Variants in ARID1A observed in about 807,000 individuals in gnomAD.
ARID1A encodes AT-rich interactive domain-containing protein 1A.
Under a neutral mutation model 212.6 loss-of-function variants are expected in ARID1A, and 20 were observed. The ratio of observed to expected loss-of-function variants is 0.09; its 90% CI spans 0.07 to 0.14. The LOEUF is 0.14. Among genes scored for constraint, ARID1A ranks in the 10% least tolerant of loss-of-function variants. The probability of loss-of-function intolerance (pLI) is 1.00; values close to 1 mark genes in which losing one functional copy is unlikely to be tolerated. For missense variants in ARID1A, 2,587 were observed against 3,059.0 expected (o/e 0.85, Z 3.64); for synonymous variants, 1,376 against 1,222.1 (o/e 1.13, Z -2.63).
chr1:26,765,858 C>CGCT, intron 8 of ARID1A: 1 of 165,592 alleles, frequency 6.0e-6, no homozygotes, highest in Admixed American at 6.0e-5. Context: ...GAGTGAAACT[C>CGCT]TGTCTCAAAA....
chr1:26,746,016 A>C (rs1244175062), intron 4 of ARID1A, among the ~76,000 whole-genome samples: 3 of 152,150 alleles, frequency 2.0e-5, no homozygotes, highest in Non-Finnish European at 4.4e-5. Context: ...GTGCCACTGC[A>C]CTCCAGTCTG....
intron 1 of ARID1A, among the ~76,000 whole-genome samples, chr1:26,701,990 T>C (rs1570546111): frequency 6.6e-6 from 1 of 152,126 alleles, no homozygotes; most frequent in Non-Finnish European, 1.5e-5. Flanking sequence ...CTTTTGCACT[T>C]GGGGTTGGGG....
At chr1:26,739,332 C>T (rs977124278) in intron 4 of ARID1A, among the ~76,000 whole-genome samples, 3 of 152,162 alleles carry the variant, frequency 2.0e-5, no homozygotes, top group Admixed American at 1.3e-4. Context: ...CAAACTTTAG[C>T]GTGTGTTAAG....
chr1:26,755,300 G>A (rs1212112970), intron 4 of ARID1A, among the ~76,000 whole-genome samples: 1 of 152,200 alleles, frequency 6.6e-6, no homozygotes, highest in Non-Finnish European at 1.5e-5. Context: ...CCAACTATCT[G>A]ATGCTGACCA....
At chr1:26,719,133 T>C (rs1037806233) in intron 1 of ARID1A, among the ~76,000 whole-genome samples, 1 of 152,214 alleles carries the variant, frequency 6.6e-6, no homozygotes. Context: ...CATTCCCCTT[T>C]CCTTTCCTGC....
chr1:26,698,711 A>T (rs1362979851), intron 1 of ARID1A, among the ~76,000 whole-genome samples: 1 of 152,158 alleles, frequency 6.6e-6, no homozygotes, highest in Non-Finnish European at 1.5e-5. Flanking sequence ...GACTTCTTTG[A>T]TGGCTCTGAA....
chr1:26,768,347 C>G (rs1026060561), intron 11 of ARID1A, among the ~76,000 whole-genome samples: 5 of 152,240 alleles, frequency 3.3e-5, no homozygotes, highest in African/African-American at 4.8e-5. Context: ...TGAATCCCTT[C>G]TTGGCCACTT....
At position 26,732,703 on chromosome 1, in the gene ARID1A, C is replaced by G. The variant is rs2124792333; in HGVS notation, c.1831C>G (p.Gln611Glu). 6.2e-7 allele frequency: 1 copy of G among 1,613,976 alleles called. No homozygotes were observed. The highest frequency in any genetic ancestry group is 1.1e-5 in the South Asian group (1 of 91,060). ...QELSQDSFGS[Q>E]ASSAPSMTSS... ...GCTATCTCAAGATTCATTTGGGTCT[C>G]AGGCATCCTCAGCCCCCTCAATGAC... The change falls in exon 4 of 20, where the codon CAG becomes GAG. Residue 611 changes from glutamine to glutamate, a missense_variant. Transcript: ENST00000324856.
At chr1:26,722,524 C>G (rs1423919566) in intron 1 of ARID1A, among the ~76,000 whole-genome samples, 1 of 152,204 alleles carries the variant, frequency 6.6e-6, no homozygotes, top group Non-Finnish European at 1.5e-5. Flanking sequence ...GGATTACATG[C>G]GTGAGTCACT....
intron 1 of ARID1A, among the ~76,000 whole-genome samples, chr1:26,716,334 A>C (rs1306479772): frequency 6.6e-6 from 1 of 152,218 alleles, no homozygotes; most frequent in Non-Finnish European, 1.5e-5. Flanking sequence ...CATAGGATTC[A>C]TAATTCCTGC....
Position 26,761,044 on chromosome 1 carries a change from C to T in ARID1A, c.2109C>T (p.Pro703=), listed in dbSNP as rs200927747. 2.3e-5 allele frequency: 37 copies of T among 1,614,112 alleles called. No homozygotes were observed. The East Asian group carries it at 3.3e-4, about 15-fold the overall frequency. Residue 703 remains proline, a synonymous_variant, in exon 5 of 20, where the codon CCC becomes CCT. Coordinates refer to ENST00000324856, the MANE Select transcript of ARID1A (RefSeq NM_006015.6). ...CTTCCCCGTCCCCTGTTGGCTCTCC[C>T]GCCAGTGTTGCTCAGTCTCGCTCAG... ...RGPSPSPVGS[P]ASVAQSRSGP...
rs1367629574 is a variant in ARID1A at position 26,774,908 on chromosome 1, G to A, written c.4681G>A (p.Val1561Met). The change falls in exon 18 of 20, where the codon GTG becomes ATG. Residue 1561 changes from valine to methionine, a missense_variant. Physicochemically the swap from Val to Met is conservative, Grantham distance 21. This residue lies in a region of ARID1A where 890 missense variants were observed against 1,098.2 expected (regional missense o/e 0.81). Transcript: ENST00000324856. The surrounding 1 kb of genome is among the most constrained non-coding windows in gnomAD (Gnocchi z 5.6). ...GCCCCCATATGGTCCCTCTGCCCCT[G>A]TGCCCCCCATGACAAGGCCCCCTCC... is the stretch of plus-strand genomic sequence containing the variant. The part of the protein sequence containing the change: ...RQPPYGPSAP[V>M]PPMTRPPPSN... 6 of 1,539,328 alleles carry A rather than the reference G, an allele frequency of 3.9e-6. No homozygotes were observed. Among genetic ancestry groups the A allele is most frequent in the Non-Finnish European group, 5.2e-6 (6 of 1,146,826 alleles).
chr1:26,745,764 A>G (rs1425704897), intron 4 of ARID1A, among the ~76,000 whole-genome samples: 1 of 152,158 alleles, frequency 6.6e-6, no homozygotes, highest in Non-Finnish European at 1.5e-5. Flanking sequence ...ATCCTTTAAG[A>G]AAAGGCCGCA....
At chr1:26,739,760 C>G (rs2080770244) in intron 4 of ARID1A, among the ~76,000 whole-genome samples, 1 of 152,160 alleles carries the variant, frequency 6.6e-6, no homozygotes, top group Non-Finnish European at 1.5e-5. Flanking sequence ...CACTGGATCC[C>G]TTCCTTTAGT....
intron 8 of ARID1A, 89 bp downstream of exon 8, chr1:26,763,374 AG>A (rs1188114164): frequency 9.2e-6 from 13 of 1,406,434 alleles, no homozygotes; most frequent in Non-Finnish European, 9.5e-6. Flanking sequence ...GACCTAAACC[AG>A]GGGGGGAAAA....
rs1485116848 is a variant in ARID1A at position 26,696,593 on chromosome 1, G to A, written c.190G>A (p.Gly64Arg). Residue 64 changes from glycine (G) to arginine (R), a missense_variant, in exon 1 of 20, where the codon GGG becomes AGG. This residue lies in a region of ARID1A where 735 missense variants were observed against 590.6 expected (regional missense o/e 1.24). Transcript: ENST00000324856. ...AGQESEGPAV[G>R]PPQPLGKELQ... Reference sequence around the variant, plus strand: ...GCAGGAAAGCGAGGGCCCCGCCGTGGGGCCGCCGCAGCCGCTGGGAAAGGA... The same window carrying A: ...GCAGGAAAGCGAGGGCCCCGCCGTGAGGCCGCCGCAGCCGCTGGGAAAGGA... 8.1e-7 allele frequency: 1 copy of A among 1,232,036 alleles called. No individual in the cohort carries two copies. Among genetic ancestry groups the A allele is most frequent in the African/African-American group, 1.6e-5 (1 of 63,734 alleles). The allele number at this position is 1,232,036 out of a possible 1,614,324, so 76.3% of individuals were successfully genotyped here.
At position 26,779,806 on chromosome 1, in the gene ARID1A, C is replaced by A. The variant is rs1370473850; in HGVS notation, c.5908C>A (p.Leu1970Ile). The A allele has an allele frequency of 3.1e-6, 5 of 1,614,100 alleles. No individual in the cohort carries two copies. Among genetic ancestry groups the A allele is most frequent in the Non-Finnish European group, 4.2e-6 (5 of 1,180,020 alleles). The change falls in exon 20 of 20, where the codon CTT becomes ATT. Residue 1970 changes from leucine to isoleucine, a missense_variant. By Grantham distance (5) the Leu-to-Ile change is conservative. Coordinates refer to ENST00000324856, the MANE Select transcript of ARID1A (RefSeq NM_006015.6). ...HSKDETPLCT[L>I]LDWQDSLAKR... ...TAAGGATGAGACCCCACTGTGTACC[C>A]TTCTGGACTGGCAGGATTCTCTTGC... is the stretch of plus-strand genomic sequence containing the variant.
Position 26,697,372 on chromosome 1 carries a change from G to T in ARID1A, c.969G>T (p.Gly323=), listed in dbSNP as rs1239883037. Residue 323 remains glycine (G), a synonymous_variant, in exon 1 of 20, where the codon GGG becomes GGT. Coordinates refer to ENST00000324856, the MANE Select transcript of ARID1A (RefSeq NM_006015.6). ...GGDYSGGPQD[G]GAGKGPADMA... Reference sequence around the variant, plus strand: ...ACTACAGTGGCGGGCCCCAGGACGGGGGCGCCGGCAAGGGCCCGGCGGACA... The same window carrying T: ...ACTACAGTGGCGGGCCCCAGGACGGTGGCGCCGGCAAGGGCCCGGCGGACA... 1 of 1,316,708 alleles carries T rather than the reference G, an allele frequency of 7.6e-7. No individual in the cohort carries two copies. The highest frequency in any genetic ancestry group is 9.6e-7 in the Non-Finnish European group (1 of 1,040,276). 81.6% of individuals were successfully genotyped at this position (1,316,708 alleles called of 1,614,324 possible).
Position 26,771,802 on chromosome 1 carries a change from T to C in ARID1A, c.3406+476T>C, listed in dbSNP as rs1240574368. ...GGGAGTGGCTCTGCTCACCCTCCTT[T>C]CTGAGAGGAGGCTGAGGCCTAGGGT... is the stretch of plus-strand genomic sequence containing the variant. On this transcript the variant is annotated intron_variant, in intron 12 of 19. Transcript: ENST00000324856. This position sits in a 1 kb window ranked among gnomAD's most constrained non-coding sequence, Gnocchi z 5.4. 2 of 177,078 alleles carry C rather than the reference T, an allele frequency of 1.1e-5. No individual in the cohort carries two copies. Among genetic ancestry groups the C allele is most frequent in the Admixed American group, 1.1e-4 (2 of 17,912 alleles). 11.0% of individuals were successfully genotyped at this position (177,078 alleles called of 1,614,324 possible).
Sources: allele counts gnomAD v4.1 joint callset (sites outside exome capture counted in the v4.1 genomes callset), GRCh38; gene constraint gnomAD v4.1.1; regional missense constraint gnomAD v4.1.1; non-coding constraint Gnocchi (gnomAD v3.1); transcripts MANE v1.5; gene names NCBI Gene and HGNC (gene_info 2026-07-23, HGNC 2026-07-21).